INPP4B: variants seen among roughly 807,000 people sequenced by gnomAD.
The protein encoded by INPP4B is inositol polyphosphate 4-phosphatase type II.
A neutral mutation model predicts 122.5 loss-of-function variants in INPP4B; 55 were observed. That is an observed-to-expected ratio of 0.45 (90% CI 0.36 to 0.56). INPP4B has a LOEUF of 0.56. Ranked by LOEUF, INPP4B falls within the 20% of genes least tolerant of loss-of-function variation. INPP4B has a pLI of 0.00. For missense variants in INPP4B, 1,000 were observed against 1,097.7 expected (o/e 0.91, Z 1.26); for synonymous variants, 403 against 388.7 (o/e 1.04, Z -0.43).
At chr4:142,059,274 G>A (rs189878681) in intron 25 of INPP4B, among the ~76,000 whole-genome samples, 5 of 152,166 alleles carry the variant, frequency 3.3e-5, no homozygotes, top group African/African-American at 1.2e-4. Flanking sequence ...TACCTATCCG[G>A]TAATAATACC....
intron 7 of INPP4B, among the ~76,000 whole-genome samples, chr4:142,383,630 G>A (rs1295719461): frequency 1.3e-5 from 2 of 151,930 alleles, no homozygotes; most frequent in Non-Finnish European, 1.5e-5. Context: ...GCTTAAAAAT[G>A]AAACTGCTCA....
intron 2 of INPP4B, among the ~76,000 whole-genome samples, chr4:142,576,590 T>C (rs1397210552): frequency 6.6e-6 from 1 of 151,916 alleles, no homozygotes; most frequent in Non-Finnish European, 1.5e-5. Context: ...TAAAAGAAAT[T>C]CATATAATCA....
At chr4:142,354,936 T>G (rs1783083283) in intron 7 of INPP4B, among the ~76,000 whole-genome samples, 1 of 151,988 alleles carries the variant, frequency 6.6e-6, no homozygotes. Context: ...TATGTTTGTC[T>G]CATCTGGGCT....
chr4:142,560,854 C>G (rs926379397), intron 2 of INPP4B, among the ~76,000 whole-genome samples: 3 of 152,148 alleles, frequency 2.0e-5, no homozygotes, highest in Admixed American at 6.5e-5. Flanking sequence ...CACAGACACA[C>G]CCAGGAACAA....
intron 12 of INPP4B, among the ~76,000 whole-genome samples, chr4:142,229,798 A>T (rs912694729): frequency 5.9e-5 from 9 of 152,350 alleles, no homozygotes; most frequent in Non-Finnish European, 1.3e-4. Context: ...TACTGATGCT[A>T]TGAAGACATA....
intron 7 of INPP4B, among the ~76,000 whole-genome samples, chr4:142,386,121 G>A (rs984515031): frequency 1.9e-4 from 29 of 152,036 alleles, no homozygotes; most frequent in African/African-American, 7.0e-4. Flanking sequence ...GCGTGTAAGT[G>A]AGACCATGCA....
chr4:142,290,938 C>A (rs192584198), intron 9 of INPP4B, among the ~76,000 whole-genome samples: 1 of 152,046 alleles, frequency 6.6e-6, no homozygotes, highest in Non-Finnish European at 1.5e-5. Flanking sequence ...CAGCTATGTA[C>A]CAGGCACTAG....
chr4:142,461,930 C>T (rs1816823124), intron 3 of INPP4B, among the ~76,000 whole-genome samples: 2 of 152,086 alleles, frequency 1.3e-5, no homozygotes, highest in Non-Finnish European at 2.9e-5. Flanking sequence ...AGAGCAAGTT[C>T]AGAGGCTTCT....
chr4:142,704,944 C>G (rs1009818385), intron 2 of INPP4B, among the ~76,000 whole-genome samples: 2 of 152,158 alleles, frequency 1.3e-5, no homozygotes, highest in South Asian at 2.1e-4. Context: ...ATCACTTTGT[C>G]CCTTGACTAA....
At chr4:142,189,943 G>A (rs560885262) in intron 15 of INPP4B, among the ~76,000 whole-genome samples, 19 of 152,078 alleles carry the variant, frequency 1.2e-4, no homozygotes, top group Non-Finnish European at 2.5e-4. Context: ...AAATATGGTT[G>A]TATGACCTGA....
chr4:142,192,976 T>G, intron 15 of INPP4B, 111 bp downstream of exon 15: 1 of 616,984 alleles, frequency 1.6e-6, no homozygotes, highest in East Asian at 2.5e-5. Flanking sequence ...ACTAAATAGG[T>G]TAAGATGTCA....
chr4:142,171,113 T>C (rs1825425390), intron 16 of INPP4B, among the ~76,000 whole-genome samples: 1 of 151,750 alleles, frequency 6.6e-6, no homozygotes. Context: ...TGTCTTCAGG[T>C]GCAATGGCTT....
intron 3 of INPP4B, among the ~76,000 whole-genome samples, chr4:142,435,615 C>T (rs1436281726): frequency 6.6e-6 from 1 of 152,204 alleles, no homozygotes; most frequent in Non-Finnish European, 1.5e-5. Flanking sequence ...TGATAGGTGG[C>T]TGGCATGACC....
chr4:142,246,473 C>T (rs1322110648), intron 11 of INPP4B, among the ~76,000 whole-genome samples: 2 of 151,960 alleles, frequency 1.3e-5, no homozygotes, highest in East Asian at 3.9e-4. Context: ...TTATTTCCTT[C>T]AGCAGTGGTT....
intron 2 of INPP4B, among the ~76,000 whole-genome samples, chr4:142,696,342 G>T (rs1421483665): frequency 1.3e-5 from 2 of 152,104 alleles, no homozygotes; most frequent in Non-Finnish European, 2.9e-5. Flanking sequence ...AACCCACCTT[G>T]TTCCATAACT....
chr4:142,419,712 C>G (rs1183893860), intron 5 of INPP4B, among the ~76,000 whole-genome samples: 1 of 152,104 alleles, frequency 6.6e-6, no homozygotes, highest in African/African-American at 2.4e-5. Flanking sequence ...GAGAACTTAT[C>G]TTTAATATTT....
At chr4:142,499,311 G>A (rs1347592226) in intron 2 of INPP4B, among the ~76,000 whole-genome samples, 1 of 151,980 alleles carries the variant, frequency 6.6e-6, no homozygotes, top group Non-Finnish European at 1.5e-5. Flanking sequence ...ATGTAATTAA[G>A]GCCTCAATCA....
At chr4:142,708,112 T>C (rs1376159131) in intron 2 of INPP4B, among the ~76,000 whole-genome samples, 5 of 152,122 alleles carry the variant, frequency 3.3e-5, no homozygotes, top group African/African-American at 1.2e-4. Context: ...AGAGTGATGG[T>C]TTTGGGTATC....
At chr4:142,466,849 C>T (rs1817885094) in intron 2 of INPP4B, among the ~76,000 whole-genome samples, 1 of 152,170 alleles carries the variant, frequency 6.6e-6, no homozygotes, top group South Asian at 2.1e-4. Context: ...CTGGCCACTC[C>T]ATCTCTAACC....
Sources: gnomAD v4.1 joint callset for allele counts (sites outside exome capture counted in the v4.1 genomes callset) on GRCh38, gnomAD v4.1.1 for gene constraint, MANE v1.5 for transcripts, NCBI Gene and HGNC (gene_info 2026-07-23, HGNC 2026-07-21) for gene names.